CPED1: variants seen among roughly 807,000 people sequenced by gnomAD.
The protein encoded by CPED1 is cadherin-like and PC-esterase domain-containing protein 1.
CPED1 carries 114 observed loss-of-function variants against 128.2 expected under a neutral mutation model. The ratio of observed to expected loss-of-function variants is 0.89; its 90% CI spans 0.76 to 1.04. The LOEUF (loss-of-function observed/expected upper bound fraction) is 1.04. CPED1 is among the 50% of genes least tolerant of loss of function. CPED1 has a pLI of 0.00. For synonymous variants in CPED1, 462 were observed against 426.7 expected (o/e 1.08, Z -1.02); for missense variants, 1,211 against 1,207.1 (o/e 1.00, Z -0.05).
intron 16 of CPED1, among the ~76,000 whole-genome samples, chr7:121,201,215 G>T (rs1216433960): frequency 6.6e-6 from 1 of 151,944 alleles, no homozygotes; most frequent in African/African-American, 2.4e-5. Context: ...CAAAGTTATA[G>T]AAATAAATTA....
intron 22 of CPED1, among the ~76,000 whole-genome samples, chr7:121,274,120 G>A (rs745827473): frequency 6.6e-5 from 10 of 152,070 alleles, no homozygotes; most frequent in Non-Finnish European, 1.2e-4. Context: ...TGCTCTGAAA[G>A]TCTAAAAAGC....
intron 16 of CPED1, among the ~76,000 whole-genome samples, chr7:121,162,178 A>T (rs1448978212): frequency 6.6e-6 from 1 of 152,228 alleles, no homozygotes. Flanking sequence ...GGCAATAGGA[A>T]CTGGTGAGGA....
chr7:121,182,125 A>C (rs1298708723), intron 16 of CPED1, among the ~76,000 whole-genome samples: 2 of 151,996 alleles, frequency 1.3e-5, no homozygotes, highest in African/African-American at 4.8e-5. Context: ...AATAAGAATC[A>C]ATAAAAACCA....
intron 17 of CPED1, among the ~76,000 whole-genome samples, chr7:121,237,335 A>G (rs572498283): frequency 6.6e-6 from 1 of 152,290 alleles, no homozygotes; most frequent in East Asian, 1.9e-4. Context: ...GTGTGAACCA[A>G]AGAACTGCAA....
intron 16 of CPED1, among the ~76,000 whole-genome samples, chr7:121,226,314 T>G (rs1352811843): frequency 6.6e-6 from 1 of 152,084 alleles, no homozygotes; most frequent in African/African-American, 2.4e-5. Context: ...CAGCCGAGGC[T>G]TGGTTGGAAA....
chr7:121,078,805 TGGGC>T (rs1445150883), intron 5 of CPED1, among the ~76,000 whole-genome samples: 3 of 152,140 alleles, frequency 2.0e-5, no homozygotes, highest in African/African-American at 7.2e-5. Context: ...GCTGCTCCCA[TGGGC>T]ACTGTATTAG....
At chr7:121,277,723 G>T (rs1792357840) in intron 22 of CPED1, among the ~76,000 whole-genome samples, 1 of 152,088 alleles carries the variant, frequency 6.6e-6, no homozygotes, top group Non-Finnish European at 1.5e-5. Context: ...TATGTGTGAG[G>T]TCATGCAGGT....
At chr7:121,220,165 G>A (rs1648134014) in intron 16 of CPED1, among the ~76,000 whole-genome samples, 1 of 152,020 alleles carries the variant, frequency 6.6e-6, no homozygotes, top group Non-Finnish European at 1.5e-5. Context: ...TAACAAAGTT[G>A]AAGAAGCTTA....
rs747309091 is a variant in CPED1 at position 121,142,027 on chromosome 7, G to A, written c.1941G>A (p.Val647=). The A allele has an allele frequency of 6.2e-6, 10 of 1,612,540 alleles. No individual in the cohort carries two copies. In the East Asian group the frequency reaches 1.6e-4, roughly 25 times the overall value. Reference sequence around the variant, plus strand: ...TGAACAAAATCTCAATATTTGTTGTGGATGAATCTCCAGCACACGGTGAGA... The same window carrying A: ...TGAACAAAATCTCAATATTTGTTGTAGATGAATCTCCAGCACACGGTGAGA... ...LGMNKISIFV[V]DESPAHGETL... is the part of the protein sequence containing the mutation. The change falls in exon 16 of 23, where the codon GTG becomes GTA. Residue 647 remains valine (V), a synonymous_variant. Transcript: ENST00000310396.
chr7:121,060,544 C>A (rs1793632848), intron 4 of CPED1, among the ~76,000 whole-genome samples: 1 of 152,180 alleles, frequency 6.6e-6, no homozygotes, highest in African/African-American at 2.4e-5. Context: ...ATGCACCAGT[C>A]CACTCTGTAT....
intron 16 of CPED1, among the ~76,000 whole-genome samples, chr7:121,214,738 A>G (rs1210196088): frequency 1.3e-5 from 2 of 152,102 alleles, no homozygotes; most frequent in African/African-American, 2.4e-5. Context: ...CTAAAAATGA[A>G]TATTAACTTT....
intron 7 of CPED1, among the ~76,000 whole-genome samples, chr7:121,101,848 C>A (rs1794857561): frequency 6.6e-6 from 1 of 152,022 alleles, no homozygotes; most frequent in African/African-American, 2.4e-5. Flanking sequence ...GGGAAGGCAC[C>A]AAGCCATTCA....
intron 16 of CPED1, among the ~76,000 whole-genome samples, chr7:121,151,442 A>G (rs1341637340): frequency 6.6e-6 from 1 of 152,214 alleles, no homozygotes; most frequent in Non-Finnish European, 1.5e-5. Context: ...TGCACCATTT[A>G]TACACATTGT....
At chr7:121,048,123 C>T (rs1585038959) in intron 4 of CPED1, among the ~76,000 whole-genome samples, 1 of 152,114 alleles carries the variant, frequency 6.6e-6, no homozygotes, top group South Asian at 2.1e-4. Context: ...CCTGTGTTCC[C>T]TAACTCCAAT....
intron 5 of CPED1, among the ~76,000 whole-genome samples, chr7:121,093,397 TACACACAC>T (rs10526224): frequency 4.1e-5 from 6 of 145,470 alleles, no homozygotes; most frequent in Admixed American, 6.9e-5. Context: ...CCTTTTTCTG[TACACACAC>T]ACACACACAC....
Position 121,032,053 on chromosome 7 carries a change from T to C in CPED1, c.434-14834T>C, listed in dbSNP as rs1457268981. 2.0e-5 allele frequency among the ~76,000 whole-genome samples: 3 copies of C among 152,156 alleles called. No individual in the cohort carries two copies. In the East Asian group the frequency reaches 5.8e-4, roughly 29 times the overall value. On this transcript the variant is annotated intron_variant, in intron 3 of 22. Coordinates refer to ENST00000310396, the MANE Select transcript of CPED1 (RefSeq NM_024913.5). Reference sequence around the variant, plus strand: ...ACATTGCTTGTGGAAATGTGAAATATTATGGCCTTATTTTGGGAAAGCAAT... The same window carrying C: ...ACATTGCTTGTGGAAATGTGAAATACTATGGCCTTATTTTGGGAAAGCAAT...
At chr7:121,023,780 T>A (rs1792501057) in intron 3 of CPED1, among the ~76,000 whole-genome samples, 1 of 152,150 alleles carries the variant, frequency 6.6e-6, no homozygotes, top group Non-Finnish European at 1.5e-5. Flanking sequence ...TCTCATTTCT[T>A]TCCCCCCTCT....
chr7:121,129,427 T>C (rs940133841), intron 11 of CPED1, among the ~76,000 whole-genome samples: 3 of 150,018 alleles, frequency 2.0e-5, no homozygotes, highest in African/African-American at 7.3e-5. Flanking sequence ...CTTTTTCTAA[T>C]TTGGTCCCAA....
At chr7:121,246,757 TA>T (rs11446004) in intron 18 of CPED1, among the ~76,000 whole-genome samples, 9 of 149,358 alleles carry the variant, frequency 6.0e-5, no homozygotes, top group Admixed American at 2.7e-4. Flanking sequence ...AAGTAGTGGT[TA>T]AAAAAAAAAG....
Sources: gnomAD v4.1 joint callset for allele counts (sites outside exome capture counted in the v4.1 genomes callset) on GRCh38, gnomAD v4.1.1 for gene constraint, MANE v1.5 for transcripts, NCBI Gene and HGNC (gene_info 2026-07-23, HGNC 2026-07-21) for gene names.